Variants in CNBD1 observed in about 807,000 individuals in gnomAD.
The protein encoded by CNBD1 is cyclic nucleotide-binding domain-containing protein 1.
Under a neutral mutation model 54.4 loss-of-function variants are expected in CNBD1, and 71 were observed. The observed-to-expected ratio is 1.30, with a 90% CI of 1.08 to 1.59. The LOEUF (loss-of-function observed/expected upper bound fraction) is 1.59. Ranked by LOEUF, CNBD1 falls within the 40% of genes most tolerant of loss-of-function variation. The probability of loss-of-function intolerance (pLI) is 0.00; values close to 1 mark genes in which losing one functional copy is unlikely to be tolerated. For missense variants in CNBD1, 659 were observed against 518.0 expected (o/e 1.27, Z -2.64); for synonymous variants, 182 against 170.7 (o/e 1.07, Z -0.51).
At chr8:87,301,664 G>C (rs934662061) in intron 8 of CNBD1, among the ~76,000 whole-genome samples, 7 of 151,878 alleles carry the variant, frequency 4.6e-5, no homozygotes, top group East Asian at 1.9e-4. Context: ...AGGAAATAGA[G>C]ACACAAAAAA....
At chr8:87,111,501 G>A (rs1456072718) in intron 4 of CNBD1, among the ~76,000 whole-genome samples, 2 of 152,122 alleles carry the variant, frequency 1.3e-5, no homozygotes, top group South Asian at 2.1e-4. Flanking sequence ...AGATGGACTT[G>A]GGGAGTCACT....
intron 4 of CNBD1, among the ~76,000 whole-genome samples, chr8:87,080,220 T>C (rs976638431): frequency 6.6e-6 from 1 of 152,218 alleles, no homozygotes; most frequent in African/African-American, 2.4e-5. Flanking sequence ...CAATCAGATA[T>C]GGTAAGTCTT....
intron 2 of CNBD1, among the ~76,000 whole-genome samples, chr8:87,400,204 C>A (rs1337124558): frequency 6.6e-6 from 1 of 151,958 alleles, no homozygotes; most frequent in Non-Finnish European, 1.5e-5. Context: ...CCTAAGTTAA[C>A]TAGATTTATG....
At chr8:87,370,252 A>G (rs1476052475) in intron 10 of CNBD1, among the ~76,000 whole-genome samples, 3 of 152,062 alleles carry the variant, frequency 2.0e-5, no homozygotes, top group Non-Finnish European at 4.4e-5. Context: ...CAGTAATGGG[A>G]TGGCTGGGTC....
intron 6 of CNBD1, among the ~76,000 whole-genome samples, chr8:87,283,496 A>T (rs1327262597): frequency 4.6e-5 from 7 of 151,940 alleles, no homozygotes; most frequent in African/African-American, 1.7e-4. Flanking sequence ...ACCTTCCTGG[A>T]TCCTAGGAGT....
chr8:87,326,486 G>A (rs1266343719), intron 8 of CNBD1, among the ~76,000 whole-genome samples: 1 of 122,312 alleles, frequency 8.2e-6, no homozygotes, highest in Non-Finnish European at 1.8e-5. Context: ...CATATTTCTT[G>A]GAGGCTTTGC....
At chr8:87,339,718 C>T (rs2130917897) in intron 8 of CNBD1, among the ~76,000 whole-genome samples, 1 of 152,024 alleles carries the variant, frequency 6.6e-6, no homozygotes, top group African/African-American at 2.4e-5. Flanking sequence ...GTGGGGCTTA[C>T]ATAAAACACC....
chr8:87,158,865 A>G (rs867489459), intron 4 of CNBD1, among the ~76,000 whole-genome samples: 1 of 152,180 alleles, frequency 6.6e-6, no homozygotes, highest in Admixed American at 6.5e-5. Flanking sequence ...TTTAATGCAC[A>G]CTTTTTATTG....
intron 8 of CNBD1, among the ~76,000 whole-genome samples, chr8:87,291,559 TA>T (rs961059544): frequency 6.6e-5 from 10 of 151,272 alleles, no homozygotes; most frequent in South Asian, 6.3e-4. Context: ...TGTAGTGTTA[TA>T]AAAAAAAATG....
intron 3 of CNBD1, among the ~76,000 whole-genome samples, chr8:86,913,422 A>T (rs981027281): frequency 3.9e-5 from 6 of 152,084 alleles, no homozygotes; most frequent in Non-Finnish European, 8.8e-5. Flanking sequence ...ATAATTCTTC[A>T]TTATTTCACA....
intron 4 of CNBD1, among the ~76,000 whole-genome samples, chr8:87,100,729 C>T (rs980983912): frequency 6.6e-6 from 1 of 152,142 alleles, no homozygotes; most frequent in Non-Finnish European, 1.5e-5. Flanking sequence ...CCTGCCTTGG[C>T]CTCCCAACGT....
intron 4 of CNBD1, among the ~76,000 whole-genome samples, chr8:86,974,849 A>T (rs1808305751): frequency 6.6e-6 from 1 of 152,056 alleles, no homozygotes; most frequent in South Asian, 2.1e-4. Flanking sequence ...TTTCAAATTT[A>T]CATGTGCATT....
intron 5 of CNBD1, among the ~76,000 whole-genome samples, chr8:87,232,323 A>G (rs1586350460): frequency 6.6e-6 from 1 of 151,696 alleles, no homozygotes; most frequent in South Asian, 2.1e-4. Context: ...CGTTAGATGT[A>G]TGTTTCATTT....
chr8:86,905,045 T>C (rs938409109), intron 2 of CNBD1, 36 bp from the exon 3 acceptor site: 2 of 1,284,684 alleles, frequency 1.6e-6, no homozygotes, highest in Non-Finnish European at 1.1e-6. Flanking sequence ...TGTTATCCTA[T>C]GACACTTACA....
chr8:87,156,710 G>C (rs942290930), intron 4 of CNBD1, among the ~76,000 whole-genome samples: 1 of 152,042 alleles, frequency 6.6e-6, no homozygotes, highest in Non-Finnish European at 1.5e-5. Context: ...AGGGTTGGGG[G>C]TTAAGCCTGC....
downstream of CNBD1, among the ~76,000 whole-genome samples, chr8:87,387,605 G>A (rs141145082): frequency 7.2e-3 from 1,098 of 152,284 alleles, 12 homozygotes; most frequent in African/African-American, 0.025. Context: ...GGTTCATAAA[G>A]CAAGTCCTTA....
At chr8:87,257,337 C>A (rs1808043572) in intron 6 of CNBD1, among the ~76,000 whole-genome samples, 1 of 126,610 alleles carries the variant, frequency 7.9e-6, no homozygotes, top group South Asian at 2.6e-4. Flanking sequence ...CCATTACACT[C>A]CAACCTGGGC....
At chr8:87,175,766 G>A (rs114390138) in intron 4 of CNBD1, among the ~76,000 whole-genome samples, 2,773 of 152,262 alleles carry the variant, frequency 0.018, 77 homozygotes, top group African/African-American at 0.063. Context: ...CCCCAAGCTC[G>A]CTGGCTCCAA....
intron 4 of CNBD1, among the ~76,000 whole-genome samples, chr8:87,040,846 T>C (rs1330118843): frequency 6.6e-6 from 1 of 151,518 alleles, no homozygotes; most frequent in Non-Finnish European, 1.5e-5. Context: ...ATAAAGCTTT[T>C]AAATTTTCTA....
Sources: gnomAD v4.1 joint callset for allele counts (sites outside exome capture counted in the v4.1 genomes callset) on GRCh38, gnomAD v4.1.1 for gene constraint, MANE v1.5 for transcripts, NCBI Gene and HGNC (gene_info 2026-07-23, HGNC 2026-07-21) for gene names.